The following MACROD2 variants were observed in gnomAD, a reference collection of about 807,000 sequenced individuals.
MACROD2 encodes ADP-ribose glycohydrolase MACROD2.
MACROD2 carries 36 observed loss-of-function variants against 70.4 expected under a neutral mutation model. That is an observed-to-expected ratio of 0.51 (90% confidence interval 0.39 to 0.68). The LOEUF is 0.68. MACROD2 is among the 30% of genes least tolerant of loss of function. The pLI is 0.00. For missense variants in MACROD2, 496 were observed against 538.4 expected, an observed-to-expected ratio of 0.92 and a Z score of 0.78; for synonymous variants, 172 against 178.8, an observed-to-expected ratio of 0.96 and a Z score of 0.30.
intron 5 of MACROD2, among the ~76,000 whole-genome samples, chr20:14,864,942 G>T (rs967580456): frequency 6.6e-6 from 1 of 152,026 alleles, no homozygotes; most frequent in Admixed American, 6.6e-5. Context: ...GAATTTCATG[G>T]TGACTCCAGA....
rs137928869 is a variant in MACROD2 at position 14,407,041 on chromosome 20, G to A, written c.272-86438G>A. ...TTGCAGATAGTTTTATAGTCCTAATGGTCTACAGGCCTTTTTTAGCCACCA... is the reference window on the plus strand; with the variant it reads ...TTGCAGATAGTTTTATAGTCCTAATAGTCTACAGGCCTTTTTTAGCCACCA... On this transcript the variant is annotated intron_variant, in intron 3 of 17. Transcript: ENST00000684519. Among the ~76,000 whole-genome samples the A allele has an allele frequency of 2.2e-4, 34 of 151,582 alleles. 2 individuals carry two copies. In the East Asian group the frequency reaches 3.9e-3, roughly 17 times the overall value.
At chr20:14,814,226 A>G (rs1358400513) in intron 5 of MACROD2, among the ~76,000 whole-genome samples, 2 of 152,088 alleles carry the variant, frequency 1.3e-5, no homozygotes, top group Non-Finnish European at 2.9e-5. Context: ...TTTTCACCGT[A>G]TAATCTGAAG....
chr20:14,859,098 C>T (rs373971909), intron 5 of MACROD2, among the ~76,000 whole-genome samples: 19 of 151,762 alleles, frequency 1.3e-4, no homozygotes, highest in African/African-American at 2.2e-4. Context: ...GGGGGGTGAG[C>T]GGTAAAAGAC....
At chr20:15,779,230 C>T (rs999115900) in intron 8 of MACROD2, among the ~76,000 whole-genome samples, 6 of 152,054 alleles carry the variant, frequency 3.9e-5, no homozygotes, top group East Asian at 1.9e-4. Context: ...ACCTTGATAT[C>T]GATGTTCTAA....
intron 3 of MACROD2, among the ~76,000 whole-genome samples, chr20:14,486,618 C>T (rs2123089011): frequency 6.9e-6 from 1 of 145,418 alleles, no homozygotes; most frequent in Non-Finnish European, 1.5e-5. Context: ...CTCCTGGGTT[C>T]AAACAATCTC....
At chr20:14,656,262 T>TC in intron 4 of MACROD2, among the ~76,000 whole-genome samples, 1 of 152,126 alleles carries the variant, frequency 6.6e-6, no homozygotes, top group Non-Finnish European at 1.5e-5. Context: ...CCCCACCCAT[T>TC]TTATACTTCA....
intron 4 of MACROD2, among the ~76,000 whole-genome samples, chr20:14,496,918 T>C (rs187809535): frequency 1.1e-4 from 17 of 151,838 alleles, no homozygotes. Context: ...TATATTATTT[T>C]ACCTGTTGTT....
intron 8 of MACROD2, among the ~76,000 whole-genome samples, chr20:15,808,770 A>G (rs1268347240): frequency 6.6e-6 from 1 of 152,188 alleles, no homozygotes; most frequent in African/African-American, 2.4e-5. Flanking sequence ...ATATATAATA[A>G]AACTGTATTT....
chr20:14,835,680 G>C (rs182317888), intron 5 of MACROD2, among the ~76,000 whole-genome samples: 1 of 152,164 alleles, frequency 6.6e-6, no homozygotes, highest in East Asian at 1.9e-4. Flanking sequence ...TACTGGACCA[G>C]AGCAATTTCT....
intron 8 of MACROD2, among the ~76,000 whole-genome samples, chr20:15,805,421 C>G (rs188528843): frequency 6.6e-6 from 1 of 150,490 alleles, no homozygotes; most frequent in Admixed American, 6.6e-5. Flanking sequence ...TATCTAGGGG[C>G]AGGTAAAGAG....
intron 10 of MACROD2, among the ~76,000 whole-genome samples, chr20:15,923,723 G>C (rs979712966): frequency 6.6e-6 from 1 of 151,072 alleles, no homozygotes; most frequent in African/African-American, 2.5e-5. Flanking sequence ...TAGAAGGAAA[G>C]CAGGAGATCT....
intron 4 of MACROD2, among the ~76,000 whole-genome samples, chr20:14,544,975 G>A (rs1305297616): frequency 3.9e-5 from 6 of 152,144 alleles, no homozygotes; most frequent in African/African-American, 1.4e-4. Context: ...AAGTCAGCTC[G>A]GCCTGCCTGA....
intron 5 of MACROD2, among the ~76,000 whole-genome samples, chr20:15,034,495 A>G (rs1164772678): frequency 6.6e-6 from 1 of 152,158 alleles, no homozygotes; most frequent in Non-Finnish European, 1.5e-5. Context: ...GAGGGACTCA[A>G]CATATAGTTG....
At chr20:15,137,954 A>G (rs115029420) in intron 5 of MACROD2, among the ~76,000 whole-genome samples, 1 of 152,102 alleles carries the variant, frequency 6.6e-6, no homozygotes, top group South Asian at 2.1e-4. Flanking sequence ...ATCCTTCCAC[A>G]TATCAGCTGA....
chr20:15,022,304 C>T (rs2122969824), intron 5 of MACROD2, among the ~76,000 whole-genome samples: 1 of 152,268 alleles, frequency 6.6e-6, no homozygotes, highest in East Asian at 1.9e-4. Context: ...GGCAACTGCA[C>T]TTTAAATACC....
intron 8 of MACROD2, among the ~76,000 whole-genome samples, chr20:15,502,140 G>A (rs2047372743): frequency 6.6e-6 from 1 of 152,172 alleles, no homozygotes; most frequent in South Asian, 2.1e-4. Context: ...TAAAGAAATA[G>A]GGAAGTTCAA....
intron 5 of MACROD2, among the ~76,000 whole-genome samples, chr20:15,193,638 C>T (rs1029955403): frequency 6.6e-6 from 1 of 151,902 alleles, no homozygotes; most frequent in Non-Finnish European, 1.5e-5. Context: ...AGAACAAAAC[C>T]CTGACTCAAG....
At chr20:15,303,755 A>AT (rs999855154) in intron 6 of MACROD2, among the ~76,000 whole-genome samples, 1 of 152,048 alleles carries the variant, frequency 6.6e-6, no homozygotes, top group African/African-American at 2.4e-5. Context: ...TATGCACCGT[A>AT]TTTTTTTCAT....
At chr20:15,361,053 T>A (rs1025856142) in intron 6 of MACROD2, among the ~76,000 whole-genome samples, 1 of 152,126 alleles carries the variant, frequency 6.6e-6, no homozygotes, top group African/African-American at 2.4e-5. Flanking sequence ...GCAAAAATTT[T>A]ACATTTTGAT....
Sources: gnomAD v4.1 joint callset for allele counts (sites outside exome capture counted in the v4.1 genomes callset) on GRCh38, gnomAD v4.1.1 for gene constraint, MANE v1.5 for transcripts, NCBI Gene and HGNC (gene_info 2026-07-23, HGNC 2026-07-21) for gene names.